The following SPEG variants were observed in gnomAD, a reference collection of about 807,000 sequenced individuals.
SPEG encodes the protein striated muscle preferentially expressed protein kinase.
SPEG carries 114 observed loss-of-function variants against 300.4 expected under a neutral mutation model. That is an observed-to-expected ratio of 0.38 (90% confidence interval 0.33 to 0.44). The LOEUF is 0.44. Ranked by LOEUF, SPEG falls within the 20% of genes least tolerant of loss-of-function variation. SPEG has a pLI of 1.00. For missense variants in SPEG, 4,201 were observed against 4,586.2 expected, an observed-to-expected ratio of 0.92 and a Z score of 2.43; for synonymous variants, 1,964 against 2,018.9, an observed-to-expected ratio of 0.97 and a Z score of 0.73.
chr2:219,469,635 G>A (rs1216688955), intron 13 of SPEG, among the ~76,000 whole-genome samples: 4 of 152,148 alleles, frequency 2.6e-5, no homozygotes, highest in Admixed American at 1.3e-4. Flanking sequence ...CTACTAACCC[G>A]CATCGGGCCC....
In SPEG at chr2:219,483,209, G is replaced by C. The variant is rs746732641; in HGVS notation, c.5746G>C (p.Gly1916Arg). The C allele has an allele frequency of 6.8e-6, 11 of 1,609,898 alleles. No homozygotes were observed. The highest frequency in any genetic ancestry group is 9.3e-6 in the Non-Finnish European group (11 of 1,178,862). The change falls in exon 30 of 41, where the codon GGG (glycine) becomes CGG (arginine). Residue 1916 changes from glycine to arginine, a missense_variant. By Grantham distance (125) the Gly-to-Arg change is moderately radical (BLOSUM62 -2). Transcript: ENST00000312358. The part of the protein sequence containing the change: ...VTMPRRPPPS[G>R]GLSSSSDSEE... ...CATGCCCAGAAGGCCACCCCCCAGT[G>C]GGGGGCTCTCATCCTCCTCGGATTC...
chr2:219,448,238 G>A lies in SPEG; in HGVS notation c.1080G>A (p.Ser360=). ...AGAAGCGAGGGAAGAAGTCCAAGTCGTCCGGGCCCTCCCTGGCGGGCACCG... is the reference window on the plus strand; with the variant it reads ...AGAAGCGAGGGAAGAAGTCCAAGTCATCCGGGCCCTCCCTGGCGGGCACCG... ...TEEKRGKKSK[S]SGPSLAGTAE... Residue 360 remains serine (S), a synonymous_variant, in exon 4 of 41, where the codon TCG becomes TCA. Transcript: ENST00000312358. The A allele has an allele frequency of 1.2e-6, 2 of 1,612,464 alleles. No homozygotes were observed. Among genetic ancestry groups the A allele is most frequent in the Non-Finnish European group, 1.7e-6 (2 of 1,179,614 alleles).
chr2:219,481,758 C>A lies in SPEG; in HGVS notation c.5565+78C>A. 1 of 1,324,464 alleles carries A rather than the reference C, an allele frequency of 7.6e-7. No homozygotes were observed. The allele number at this position is 1,324,464 out of a possible 1,614,324, so 82.0% of individuals were successfully genotyped here. A position where few individuals can be genotyped will look rare whatever the true frequency, so the allele number is the denominator to read the frequency against. On this transcript the variant is annotated intron_variant, in intron 28 of 40. Transcript: ENST00000312358. This position sits in a 1 kb window ranked among gnomAD's most constrained non-coding sequence, Gnocchi z 5.4. ...TACTAACAGCTCTATTTATTGAGTA[C>A]CTACTGTGTGCAGTAACCACGTTAG...
In SPEG at chr2:219,445,686, A is replaced by G; in HGVS notation, c.815+525A>G. 1 of 143,218 alleles carries G rather than the reference A, an allele frequency of 7.0e-6. No homozygotes were observed. Among genetic ancestry groups the G allele is most frequent in the Non-Finnish European group, 1.5e-5 (1 of 67,982 alleles). The allele number at this position is 143,218 out of a possible 1,614,324, so 8.9% of individuals were successfully genotyped here. On this transcript the variant is annotated intron_variant, in intron 3 of 40. Coordinates refer to ENST00000312358, the MANE Select transcript of SPEG (RefSeq NM_005876.5). The surrounding 1 kb of genome is among the most constrained non-coding windows in gnomAD (Gnocchi z 6.1). Reference sequence around the variant, plus strand: ...AGCAAGCAGGAGAGAGAAGAGAGTGAGGTGGCCAGGGGCAGATGGGGCAAG... The same window carrying G: ...AGCAAGCAGGAGAGAGAAGAGAGTGGGGTGGCCAGGGGCAGATGGGGCAAG...
chr2:219,442,708 G>A (rs1185630102), intron 1 of SPEG, among the ~76,000 whole-genome samples: 1 of 81,998 alleles, frequency 1.2e-5, no homozygotes, highest in African/African-American at 4.7e-5. Flanking sequence ...CAAGCACCCC[G>A]CCCCCCGCAT....
rs1387761248 is a variant in SPEG at position 219,444,440 on chromosome 2, G to T, written c.389-213G>T. On this transcript the variant is annotated intron_variant, in intron 1 of 40. Transcript: ENST00000312358. This position sits in a 1 kb window ranked among gnomAD's most constrained non-coding sequence, Gnocchi z 7.8. Reference sequence around the variant, plus strand: ...ACGGAGGTAAACGTGAGTAACCAGGGGCCCAGAGATGGAGCCAGGGCACTG... The same window carrying T: ...ACGGAGGTAAACGTGAGTAACCAGGTGCCCAGAGATGGAGCCAGGGCACTG... Among the ~76,000 whole-genome samples the T allele has an allele frequency of 6.6e-6, 1 of 152,006 alleles. No homozygotes were observed. Among genetic ancestry groups the T allele is most frequent in the Non-Finnish European group, 1.5e-5 (1 of 67,994 alleles).
At position 219,448,720 on chromosome 2, in the gene SPEG, T is replaced by C. The variant is rs1255559249; in HGVS notation, c.1562T>C (p.Leu521Pro). ...TCGCACGAGTCCCTGCGCGCCACGC[T>C]GCAGCGTGCCCCATCCCCTCGAGAG... ...VRSHESLRAT[L>P]QRAPSPREPG... The change falls in exon 4 of 41, where the codon CTG (leucine) becomes CCG (proline). Residue 521 changes from leucine (L) to proline (P), a missense_variant. By Grantham distance (98) the Leu-to-Pro change is moderately conservative. Coordinates refer to ENST00000312358, the MANE Select transcript of SPEG (RefSeq NM_005876.5). The C allele has an allele frequency of 2.0e-6, 3 of 1,492,678 alleles. No homozygotes were observed. The South Asian group carries it at 3.8e-5, about 19-fold the overall frequency. 92.5% of individuals were successfully genotyped at this position (1,492,678 alleles called of 1,614,324 possible).
chr2:219,464,562 C>T lies in SPEG; in HGVS notation c.2835C>T (p.Val945=). The T allele has an allele frequency of 1.2e-6, 2 of 1,614,246 alleles. No individual in the cohort carries two copies. The highest frequency in any genetic ancestry group is 1.7e-6 in the Non-Finnish European group (2 of 1,180,044). ...GDAGFYTCKA[V]NEYGARQCEA... is the part of the protein sequence containing the mutation. ...CTGGTTTCTACACTTGCAAAGCGGT[C>T]AATGAGTATGGTGCTCGGCAGTGCG... The change falls in exon 9 of 41, where the codon GTC becomes GTT. Residue 945 remains valine (V), a synonymous_variant. Transcript: ENST00000312358. This position sits in a 1 kb window ranked among gnomAD's most constrained non-coding sequence, Gnocchi z 4.5.
rs764579623 is a variant in SPEG, at chr2:219,489,434, C to A, written c.8416C>A (p.Pro2806Thr). The A allele has an allele frequency of 6.2e-7, 1 of 1,612,932 alleles. No individual in the cohort carries two copies. The highest frequency in any genetic ancestry group is 8.5e-7 in the Non-Finnish European group (1 of 1,179,630). ...TGACTCTCCTACCTCACTGGCCCCA[C>A]CCCTAGCTCCTGCTGCCCCCACACC... ...PPDSPTSLAPPLAPAAPTPPS... is the reference protein window; with the variant it reads ...PPDSPTSLAPTLAPAAPTPPS... The change falls in exon 36 of 41, where the codon CCC becomes ACC. Residue 2806 changes from proline (P) to threonine (T), a missense_variant. This residue lies in a region of SPEG where 1,578 missense variants were observed against 1,506.0 expected (regional missense o/e 1.05). Coordinates refer to ENST00000312358, the MANE Select transcript of SPEG (RefSeq NM_005876.5).
intron 14 of SPEG, 36 bp downstream of exon 14, chr2:219,472,023 A>C (rs1575131364): frequency 6.2e-7 from 1 of 1,605,444 alleles, no homozygotes. Flanking sequence ...CTGCACGCAC[A>C]GCCTGGCCTC....
In SPEG at chr2:219,489,844, T is replaced by C. The variant is rs1364025365; in HGVS notation, c.8826T>C (p.Pro2942=). ...LSPAKEVVSS[P]GSSPRSSPRP... ...CGGCCAAGGAGGTGGTCAGCTCCCC[T>C]GGGAGCAGTCCCCGAAGCTCTCCCA... The change falls in exon 36 of 41, where the codon CCT becomes CCC. Residue 2942 remains proline (P), a synonymous_variant. Transcript: ENST00000312358. 6.2e-7 allele frequency: 1 copy of C among 1,612,850 alleles called. No homozygotes were observed. The highest frequency in any genetic ancestry group is 1.3e-5 in the African/African-American group (1 of 74,892).
intron 13 of SPEG, among the ~76,000 whole-genome samples, chr2:219,471,245 T>C (rs1691848917): frequency 6.6e-6 from 1 of 152,040 alleles, no homozygotes; most frequent in Admixed American, 6.6e-5. Flanking sequence ...AGGAGAGCAT[T>C]CCCCAAGGGA....
At chr2:219,436,320 G>C (rs1449393115) in intron 1 of SPEG, among the ~76,000 whole-genome samples, 1 of 152,178 alleles carries the variant, frequency 6.6e-6, no homozygotes, top group Non-Finnish European at 1.5e-5. Context: ...GATCCATTTG[G>C]GGGCTTCCTT....
Position 219,435,063 on chromosome 2 carries a change from TG to T in SPEG, c.91del (p.Ala31ProfsTer19). ...GGAGTGCCCCCGAAAAGGGCCAAGGTGGGGGCCGGCGGCGGGGCTCCTGTGG... is the reference window on the plus strand; with the variant it reads ...GGAGTGCCCCCGAAAAGGGCCAAGGTGGGGCCGGCGGCGGGGCTCCTGTGG... ...SPGVPPKRAK[V>X]GAGGGAPVAV... is the part of the protein sequence containing the mutation. On this transcript the variant is annotated frameshift_variant, in exon 1 of 41. Transcript: ENST00000312358. LOFTEE classifies it high-confidence loss of function. 6.8e-7 allele frequency: 1 copy of T among 1,475,082 alleles called. No individual in the cohort carries two copies. The highest frequency in any genetic ancestry group is 8.9e-7 in the Non-Finnish European group (1 of 1,122,618). The allele number at this position is 1,475,082 out of a possible 1,614,324, so 91.4% of individuals were successfully genotyped here. A position where few individuals can be genotyped will look rare whatever the true frequency, so the allele number is the denominator to read the frequency against.
At chr2:219,486,802 C>CCT (rs200963101) in intron 31 of SPEG, among the ~76,000 whole-genome samples, 3 of 151,028 alleles carry the variant, frequency 2.0e-5, no homozygotes, top group East Asian at 3.9e-4. Flanking sequence ...AGAGAGGTGG[C>CCT]CTCTCTCTCT....
At chr2:219,468,527 G>A in intron 10 of SPEG, 51 bp from the exon 11 acceptor site, 3 of 1,585,730 alleles carry the variant, frequency 1.9e-6, no homozygotes. Context: ...GGGTTGGGAT[G>A]CCTGGGCCTC....
rs1694042721 is a variant in SPEG, at chr2:219,492,252, A to G, written c.9603A>G (p.Val3201=). The part of the protein sequence containing the change: ...ATLFLRKVLS[V]HPWSRPSLQD... ...TCTTCTTGCGAAAGGTTCTCTCTGT[A>G]CATCCCTGGTGAGTGAGCCCCACAC... The change falls in exon 40 of 41, where the codon GTA becomes GTG. Residue 3201 remains valine, a synonymous_variant. Transcript: ENST00000312358. 1.2e-6 allele frequency: 2 copies of G among 1,613,142 alleles called. No individual in the cohort carries two copies. The highest frequency in any genetic ancestry group is 4.5e-5 in the East Asian group (2 of 44,850).
intron 15 of SPEG, 28 bp from the exon 16 acceptor site, chr2:219,472,862 C>A (rs1342766915): frequency 6.5e-7 from 1 of 1,543,046 alleles, no homozygotes; most frequent in East Asian, 2.3e-5. Flanking sequence ...CCTGCAACAG[C>A]AGCCTCTAGT....
In SPEG at chr2:219,481,411, G is replaced by A. The variant is rs1232524691; in HGVS notation, c.5477G>A (p.Arg1826Lys). 9 of 1,614,074 alleles carry A rather than the reference G, an allele frequency of 5.6e-6. No homozygotes were observed. Among genetic ancestry groups the A allele is most frequent in the Non-Finnish European group, 7.6e-6 (9 of 1,180,028 alleles). Residue 1826 changes from arginine to lysine, a missense_variant, in exon 27 of 41, where the codon AGG becomes AAG. Physicochemically the swap from Arg to Lys is conservative, Grantham distance 26. Around this residue, in one of 4 missense-constraint regions of SPEG, gnomAD observed 1,047 missense variants for 1,356.8 expected, o/e 0.77. Coordinates refer to ENST00000312358, the MANE Select transcript of SPEG (RefSeq NM_005876.5). This position sits in a 1 kb window ranked among gnomAD's most constrained non-coding sequence, Gnocchi z 5.4. ...FEETTFLSLS[R>K]EARGFLIKVL... ...GAGACCACATTCCTGAGCCTGAGCA[G>A]GGAGGCCCGGGGCTTCCTCATCAAA... is the stretch of plus-strand genomic sequence containing the variant.
Sources: allele counts gnomAD v4.1 joint callset (sites outside exome capture counted in the v4.1 genomes callset), GRCh38; gene constraint gnomAD v4.1.1; regional missense constraint gnomAD v4.1.1; non-coding constraint Gnocchi (gnomAD v3.1); transcripts MANE v1.5; gene names NCBI Gene and HGNC (gene_info 2026-07-23, HGNC 2026-07-21).